PTPN12: variants seen among roughly 807,000 people sequenced by gnomAD.
PTPN12 encodes the protein tyrosine-protein phosphatase non-receptor type 12.
PTPN12 carries 29 observed loss-of-function variants against 97.6 expected under a neutral mutation model. The ratio of observed to expected loss-of-function variants is 0.30; its 90% CI spans 0.22 to 0.41. The LOEUF is 0.41. PTPN12 is among the 10% of genes least tolerant of loss of function. PTPN12 has a pLI of 1.00. For synonymous variants in PTPN12, 327 were observed against 300.4 expected (o/e 1.09, Z -0.91); for missense variants, 819 against 926.0 (o/e 0.88, Z 1.50).
At chr7:77,627,790 C>T in intron 13 of PTPN12, 115 bp downstream of exon 13, 1 of 1,044,622 alleles carries the variant, frequency 9.6e-7, no homozygotes, top group South Asian at 2.8e-5. Flanking sequence ...ATAGAACCTA[C>T]AGCAAAATCT....
intron 5 of PTPN12, among the ~76,000 whole-genome samples, chr7:77,590,789 C>A (rs970573464): frequency 1.3e-4 from 19 of 151,540 alleles, no homozygotes; most frequent in Admixed American, 1.2e-3. Flanking sequence ...GTCTTGAACT[C>A]CTTGCCTTAA....
chr7:77,586,361 A>G lies in PTPN12; in HGVS notation c.420+780A>G, dbSNP rs923297480. Among the ~76,000 whole-genome samples the G allele has an allele frequency of 4.6e-5, 7 of 152,228 alleles. No homozygotes were observed. In the East Asian group the frequency reaches 1.3e-3, roughly 29 times the overall value. ...CTGGTAAAGGGTTTTGTTGACGTTG[A>G]TGGCTGCCGACTGATCAAGTTGGTA... On this transcript the variant is annotated intron_variant, in intron 5 of 17. Coordinates refer to ENST00000248594, the MANE Select transcript of PTPN12 (RefSeq NM_002835.4).
chr7:77,637,915 A>C (rs1208173010), intron 16 of PTPN12, among the ~76,000 whole-genome samples: 1 of 146,646 alleles, frequency 6.8e-6, no homozygotes, highest in Non-Finnish European at 1.5e-5. Context: ...ATAGTGCATT[A>C]ATTAACCCTG....
chr7:77,578,978 T>C (rs1001670284), intron 2 of PTPN12, among the ~76,000 whole-genome samples: 1 of 152,210 alleles, frequency 6.6e-6, no homozygotes, highest in Non-Finnish European at 1.5e-5. Flanking sequence ...ATGTATATCA[T>C]GTATCCTCTG....
chr7:77,544,790 T>TA (rs1399363337), intron 1 of PTPN12, among the ~76,000 whole-genome samples: 4 of 152,232 alleles, frequency 2.6e-5, no homozygotes, highest in African/African-American at 9.7e-5. Flanking sequence ...GCTTGGCATT[T>TA]AATAGGCACT....
chr7:77,572,881 G>A (rs755570638), intron 2 of PTPN12, among the ~76,000 whole-genome samples: 9 of 151,930 alleles, frequency 5.9e-5, no homozygotes, highest in East Asian at 5.8e-4. Flanking sequence ...TCAGGAGTTC[G>A]CGACCAGCCT....
chr7:77,579,715 G>T (rs1205537381), intron 2 of PTPN12, among the ~76,000 whole-genome samples: 2 of 152,058 alleles, frequency 1.3e-5, no homozygotes, highest in African/African-American at 4.8e-5. Context: ...TGTGACAGAG[G>T]GCTGATTTTT....
chr7:77,596,939 G>T (rs781168196), intron 6 of PTPN12, among the ~76,000 whole-genome samples: 6 of 152,120 alleles, frequency 3.9e-5, no homozygotes, highest in Admixed American at 1.3e-4. Flanking sequence ...CATTCTGTGG[G>T]TTTGAAGAAA....
At chr7:77,564,752 T>A (rs1277282773) in intron 1 of PTPN12, among the ~76,000 whole-genome samples, 2 of 78,362 alleles carry the variant, frequency 2.6e-5, no homozygotes, top group Non-Finnish European at 4.8e-5. Flanking sequence ...TCGTGTTTTT[T>A]TTTTTTTTTT....
chr7:77,551,986 T>C (rs1807498792), intron 1 of PTPN12, among the ~76,000 whole-genome samples: 1 of 152,216 alleles, frequency 6.6e-6, no homozygotes, highest in Admixed American at 6.5e-5. Context: ...TTATTAGTAA[T>C]AGGATTTTGC....
chr7:77,566,682 C>G (rs140203797), intron 1 of PTPN12, among the ~76,000 whole-genome samples: 189 of 151,332 alleles, frequency 1.2e-3, no homozygotes, highest in African/African-American at 4.4e-3. Flanking sequence ...TGTGATTGCA[C>G]CACTGCATTC....
chr7:77,618,191 A>G (rs543123138), intron 11 of PTPN12, among the ~76,000 whole-genome samples: 1 of 151,978 alleles, frequency 6.6e-6, no homozygotes, highest in East Asian at 1.9e-4. Context: ...AATCCACATT[A>G]TCTTGGGGAA....
intron 1 of PTPN12, 54 bp from the exon 2 acceptor site, chr7:77,571,024 T>C: frequency 8.1e-7 from 1 of 1,240,858 alleles, no homozygotes; most frequent in African/African-American, 1.6e-5. Flanking sequence ...TCATTAAAAA[T>C]TTGAAAATAT....
At chr7:77,585,242 G>T (rs1019111736) in intron 4 of PTPN12, 4 of 198,698 alleles carry the variant, frequency 2.0e-5, no homozygotes, top group Non-Finnish European at 4.0e-5. Flanking sequence ...TCCTAAAAGT[G>T]ATATTTTAAT....
chr7:77,537,965 G>T, intron 1 of PTPN12: 1 of 854,002 alleles, frequency 1.2e-6, no homozygotes, highest in Non-Finnish European at 1.4e-6. Context: ...CCGTAGGCAA[G>T]TGAGGTGCAG....
intron 11 of PTPN12, among the ~76,000 whole-genome samples, chr7:77,614,369 T>C (rs1357408448): frequency 6.6e-6 from 1 of 152,204 alleles, no homozygotes; most frequent in East Asian, 1.9e-4. Context: ...AATTCTATCA[T>C]AGGCTCTTTC....
At chr7:77,538,252 T>A (rs1584074798) in intron 1 of PTPN12, 4 of 313,390 alleles carry the variant, frequency 1.3e-5, no homozygotes, top group Non-Finnish European at 1.9e-5. Flanking sequence ...TTACCTAATT[T>A]CCATTTACCC....
Position 77,610,873 on chromosome 7 carries a change from C to G in PTPN12, c.840+31C>G, listed in dbSNP as rs978633127. The G allele has an allele frequency of 3.8e-6, 6 of 1,581,582 alleles. No homozygotes were observed. The African/African-American group carries it at 4.1e-5, about 11-fold the overall frequency. The stretch of plus-strand genomic sequence containing the variant: ...GTTGTTTGTTTCCCTTTATAAACTG[C>G]TATTTTATAAATGCTTTCTTCTTTT... On this transcript the variant is annotated intron_variant, in intron 10 of 17. Transcript: ENST00000248594.
intron 9 of PTPN12, among the ~76,000 whole-genome samples, chr7:77,610,062 G>C (rs1181202459): frequency 6.6e-6 from 1 of 152,106 alleles, no homozygotes; most frequent in Admixed American, 6.5e-5. Flanking sequence ...CTTTCAGACT[G>C]TCCTCTTCCT....
Sources: gnomAD v4.1 joint callset for allele counts (sites outside exome capture counted in the v4.1 genomes callset) on GRCh38, gnomAD v4.1.1 for gene constraint, MANE v1.5 for transcripts, NCBI Gene and HGNC (gene_info 2026-07-23, HGNC 2026-07-21) for gene names.